The following NEIL1 variants were observed in gnomAD, a reference collection of about 807,000 sequenced individuals.
The protein encoded by NEIL1 is nei like DNA glycosylase 1.
Under a neutral mutation model 44.2 loss-of-function variants are expected in NEIL1, and 31 were observed. The observed-to-expected ratio is 0.70, with a 90% CI of 0.53 to 0.95. The LOEUF (loss-of-function observed/expected upper bound fraction) is 0.95, where lower values mean the gene tolerates loss of function less well. NEIL1 is among the 40% of genes least tolerant of loss of function. The probability of loss-of-function intolerance (pLI) is 0.00; values close to 1 mark genes in which losing one functional copy is unlikely to be tolerated. For synonymous variants in NEIL1, 254 were observed against 209.7 expected, an observed-to-expected ratio of 1.21 and a Z score of -1.83; for missense variants, 549 against 515.5, an observed-to-expected ratio of 1.07 and a Z score of -0.63.
Position 75,349,180 on chromosome 15 carries a change from A to G in NEIL1, c.275A>G (p.Glu92Gly). 6.2e-7 allele frequency: 1 copy of G among 1,609,052 alleles called. No individual in the cohort carries two copies. The highest frequency in any genetic ancestry group is 8.5e-7 in the Non-Finnish European group (1 of 1,179,884). ...TCTTTTCAGCTGGTGCCCCGCGAGG[A>G]GCTGCCACGCCATGCCCACCTGCGC... Reference protein sequence around the residue: ...SGSFQLVPREELPRHAHLRFY... With the variant: ...SGSFQLVPREGLPRHAHLRFY... Residue 92 changes from glutamate (E) to glycine (G), a missense_variant, in exon 2 of 10, where the codon GAG becomes GGG. Transcript: ENST00000355059.
chr15:75,354,172 G>A, intron 6 of NEIL1, 78 bp from the exon 7 acceptor site: 2 of 1,502,524 alleles, frequency 1.3e-6, no homozygotes, highest in Non-Finnish European at 1.9e-6. Context: ...ATGGGTGTGT[G>A]TGAGTCCTGC....
rs1313721633 is a variant in NEIL1, at chr15:75,354,955, T to C, written c.1103-9T>C. On this transcript the variant is annotated splice_polypyrimidine_tract_variant and intron_variant, in intron 9 of 9. Transcript: ENST00000355059. ...TCTTAGCTGACCATCTTGCCTGTTC[T>C]TCCCCCAGGCCACTGCAGACCCCGG... The C allele has an allele frequency of 3.7e-6, 6 of 1,613,758 alleles. No homozygotes were observed. The African/African-American group carries it at 4.0e-5, about 11-fold the overall frequency.
At position 75,354,801 on chromosome 15, in the gene NEIL1, G is replaced by A; in HGVS notation, c.1085G>A (p.Gly362Glu). The A allele has an allele frequency of 1.2e-6, 2 of 1,614,058 alleles. No individual in the cohort carries two copies. The highest frequency in any genetic ancestry group is 1.3e-5 in the African/African-American group (1 of 75,052). ...GTGCCCAAGAAGGGGAGGAGGAAGG[G>A]GCGACAGGCAGCCTCTGGTGGGCTT... ...PTVPKKGRRK[G>E]RQAASGHCRP... The change falls in exon 9 of 10, where the codon GGG becomes GAG. Residue 362 changes from glycine to glutamate, a missense_variant. Gly to Glu is a moderately conservative substitution (Grantham distance 98). Coordinates refer to ENST00000355059, the MANE Select transcript of NEIL1 (RefSeq NM_024608.4).
chr15:75,349,967 G>A (rs543395536), intron 2 of NEIL1, among the ~76,000 whole-genome samples: 4 of 152,364 alleles, frequency 2.6e-5, no homozygotes, highest in African/African-American at 9.6e-5. Context: ...GCTCCCAGGA[G>A]GCTAAGAAGG....
intron 2 of NEIL1, 128 bp from the exon 3 acceptor site, chr15:75,351,983 C>A (rs754807616): frequency 2.5e-6 from 2 of 804,202 alleles, no homozygotes; most frequent in Admixed American, 2.4e-5. Context: ...AAAACGGGGG[C>A]AGGGAGAAGA....
chr15:75,355,958 G>A lies in NEIL1; in HGVS notation c.*924G>A, dbSNP rs1128978. ...CAACAGGGACAGCACTTGGAAGGGA[G>A]AAAAGGTGAGCTTCAGGCGGTTGTC... On this transcript the variant is annotated 3_prime_UTR_variant, in exon 10 of 10. Transcript: ENST00000355059. 1.9e-6 allele frequency: 3 copies of A among 1,614,120 alleles called. No individual in the cohort carries two copies. Among genetic ancestry groups the A allele is most frequent in the African/African-American group, 2.7e-5 (2 of 74,948 alleles).
rs186424955 is a variant in NEIL1 at position 75,352,136 on chromosome 15, G to C, written c.460G>C (p.Asp154His). 3.1e-6 allele frequency: 5 copies of C among 1,614,226 alleles called. No individual in the cohort carries two copies. The highest frequency in any genetic ancestry group is 4.2e-6 in the Non-Finnish European group (5 of 1,180,026). Reference protein sequence around the residue: ...FRENVLRNLADKAFDRPICEA... With the variant: ...FRENVLRNLAHKAFDRPICEA... ...GGAGAATGTGCTACGAAACCTAGCG[G>C]ATAAGGCCTTTGACCGGCCCATCTG... Residue 154 changes from aspartate (D) to histidine (H), a missense_variant, in exon 3 of 10, where the codon GAT becomes CAT. By Grantham distance (81) the Asp-to-His change is moderately conservative. Coordinates refer to ENST00000355059, the MANE Select transcript of NEIL1 (RefSeq NM_024608.4).
Position 75,356,325 on chromosome 15 carries a change from C to T in NEIL1, c.*1291C>T, listed in dbSNP as rs202038615. On this transcript the variant is annotated 3_prime_UTR_variant, in exon 10 of 10. Transcript: ENST00000355059. This position sits in a 1 kb window ranked among gnomAD's most constrained non-coding sequence, Gnocchi z 5.8. ...CCTGCTTGACGGTCTCCAATACGAC[C>T]GCGGGTGAAGACACGGAAAACGCAC... 31 of 1,612,094 alleles carry T rather than the reference C, an allele frequency of 1.9e-5. No homozygotes were observed. Among genetic ancestry groups the T allele is most frequent in the African/African-American group, 5.3e-5 (4 of 74,786 alleles).
At chr15:75,353,676 G>A in intron 5 of NEIL1, 63 bp from the exon 6 acceptor site, 1 of 1,595,802 alleles carries the variant, frequency 6.3e-7, no homozygotes, top group Non-Finnish European at 8.6e-7. Flanking sequence ...GGTCTAACCA[G>A]GCTCCCCACT....
intron 7 of NEIL1, 22 bp from the exon 8 acceptor site, chr15:75,354,409 C>T (rs768092253): frequency 1.9e-6 from 3 of 1,614,004 alleles, no homozygotes; most frequent in East Asian, 4.5e-5. Context: ...GACCCTCCAA[C>T]TCCAACACCA....
At position 75,347,472 on chromosome 15, in the gene NEIL1, A is replaced by C. The variant is rs1339160926; in HGVS notation, c.-24A>C. The C allele has an allele frequency of 2.0e-5, 3 of 152,382 alleles. No individual in the cohort carries two copies. The highest frequency in any genetic ancestry group is 7.2e-5 in the African/African-American group (3 of 41,468). The allele number at this position is 152,382 out of a possible 1,614,324, so 9.4% of individuals were successfully genotyped here. On this transcript the variant is annotated splice_region_variant and 5_prime_UTR_variant, in exon 1 of 10. Transcript: ENST00000355059. Reference sequence around the variant, plus strand: ...CAGGTTCTTCCGCCACCTCCCAGCCAGGTAACTGCCCCGAAGCCTGCCCCA... The same window carrying C: ...CAGGTTCTTCCGCCACCTCCCAGCCCGGTAACTGCCCCGAAGCCTGCCCCA...
chr15:75,354,316 A>T, intron 7 of NEIL1, 39 bp downstream of exon 7: 2 of 1,613,600 alleles, frequency 1.2e-6, no homozygotes, highest in Non-Finnish European at 1.7e-6. Context: ...GAGAGCAGAA[A>T]GGACTTCACG....
chr15:75,351,878 T>C, intron 2 of NEIL1: 3 of 457,848 alleles, frequency 6.6e-6, no homozygotes, highest in Admixed American at 6.8e-5. Flanking sequence ...CGCCTCGGCC[T>C]CCCAAAGTGC....
intron 2 of NEIL1, chr15:75,351,306 CGCTCTGTTGCCTAG>C (rs2071871816): frequency 2.3e-6 from 1 of 432,938 alleles, no homozygotes; most frequent in African/African-American, 2.2e-5. Context: ...GACAGGGTCT[CGCTCTGTTGCCTAG>C]GCTAGAGTAC....
chr15:75,351,375 A>G (rs188223730), intron 2 of NEIL1: 2 of 402,436 alleles, frequency 5.0e-6, no homozygotes, highest in Admixed American at 6.3e-5. Flanking sequence ...TCCAGGGCTC[A>G]GGTGATTCTC....
chr15:75,356,776 G>C lies in NEIL1; in HGVS notation c.*1742G>C. On this transcript the variant is annotated 3_prime_UTR_variant, in exon 10 of 10. Coordinates refer to ENST00000355059, the MANE Select transcript of NEIL1 (RefSeq NM_024608.4). The surrounding 1 kb of genome is among the most constrained non-coding windows in gnomAD (Gnocchi z 5.8). ...TTCTCCATGCCAGCTCCCAGGCCTG[G>C]TGGGTACCCCACTTACAGCGAGAGG... is the stretch of plus-strand genomic sequence containing the variant. The C allele has an allele frequency of 1.2e-6, 2 of 1,613,850 alleles. No homozygotes were observed. Among genetic ancestry groups the C allele is most frequent in the Non-Finnish European group, 8.5e-7 (1 of 1,179,878 alleles).
chr15:75,351,615 A>AT (rs1025541553), intron 2 of NEIL1, among the ~76,000 whole-genome samples: 1 of 151,638 alleles, frequency 6.6e-6, no homozygotes, highest in African/African-American at 2.4e-5. Context: ...CAATGAATTT[A>AT]TTTTTAATTT....
At position 75,352,326 on chromosome 15, in the gene NEIL1, T is replaced by G; in HGVS notation, c.557T>G (p.Leu186Arg). 6.2e-7 allele frequency: 1 copy of G among 1,614,136 alleles called. No individual in the cohort carries two copies. The highest frequency in any genetic ancestry group is 8.5e-7 in the Non-Finnish European group (1 of 1,180,030). The change falls in exon 4 of 10, where the codon CTG (leucine) becomes CGG (arginine). Residue 186 changes from leucine (L) to arginine (R), a missense_variant and splice_region_variant. Transcript: ENST00000355059. Reference protein sequence around the residue: ...NYLRAEILYRLKIPPFEKARS... With the variant: ...NYLRAEILYRRKIPPFEKARS... ...GGCTTGCCTTGCCCCCACTACAGGC[T>G]GAAGATCCCCCCCTTTGAGAAGGCC... is the stretch of plus-strand genomic sequence containing the variant.
chr15:75,349,310 C>T lies in NEIL1; in HGVS notation c.405C>T (p.Pro135=). ...LGGKWQPGRG[P]CVLQEYQQFR... ...GAAAGTGGCAGCCGGGCCGCGGGCC[C>T]TGTGTCTTGCAGGAGTACCAGCAGT... The change falls in exon 2 of 10, where the codon CCC becomes CCT. Residue 135 remains proline (P), a synonymous_variant. Coordinates refer to ENST00000355059, the MANE Select transcript of NEIL1 (RefSeq NM_024608.4). 6.2e-7 allele frequency: 1 copy of T among 1,609,640 alleles called. No homozygotes were observed. The highest frequency in any genetic ancestry group is 2.2e-5 in the East Asian group (1 of 44,820).
Sources: gnomAD v4.1 joint callset for allele counts (sites outside exome capture counted in the v4.1 genomes callset) on GRCh38, gnomAD v4.1.1 for gene constraint, Gnocchi (gnomAD v3.1) non-coding constraint, MANE v1.5 for transcripts, NCBI Gene and HGNC (gene_info 2026-07-23, HGNC 2026-07-21) for gene names.